The following GNAZ variants were observed in gnomAD, a reference collection of about 807,000 sequenced individuals.
GNAZ encodes the protein G protein subunit alpha z, also known as guanine nucleotide-binding protein G(z) subunit alpha.
Under a neutral mutation model 25.4 loss-of-function variants are expected in GNAZ, and 3 were observed. The observed-to-expected ratio is 0.12, with a 90% confidence interval of 0.05 to 0.30. GNAZ has a LOEUF of 0.30. Ranked by LOEUF, GNAZ falls within the 10% of genes least tolerant of loss-of-function variation. The pLI is 1.00. For synonymous variants in GNAZ, 211 were observed against 205.7 expected, an observed-to-expected ratio of 1.03 and a Z score of -0.22; for missense variants, 241 against 501.8, an observed-to-expected ratio of 0.48 and a Z score of 4.97.
chr22:23,106,529 C>T (rs537401741), intron 2 of GNAZ, among the ~76,000 whole-genome samples: 11 of 152,334 alleles, frequency 7.2e-5, no homozygotes, highest in African/African-American at 2.4e-4. Flanking sequence ...TCTGGACTGC[C>T]CAGGTGAAGA....
chr22:23,107,799 G>T (rs1222308463), intron 2 of GNAZ, among the ~76,000 whole-genome samples: 1 of 152,186 alleles, frequency 6.6e-6, no homozygotes, highest in Non-Finnish European at 1.5e-5. Context: ...GTTCCTGATC[G>T]TTTTAAAGCC....
intron 1 of GNAZ, among the ~76,000 whole-genome samples, 171 bp from the exon 2 acceptor site, chr22:23,095,070 ACACCAT>A (rs759236391): frequency 6.6e-6 from 1 of 152,222 alleles, no homozygotes; most frequent in Non-Finnish European, 1.5e-5. Context: ...CATATGTGTT[ACACCAT>A]GGTGTGGGCC....
At chr22:23,106,039 C>T (rs769940626) in intron 2 of GNAZ, among the ~76,000 whole-genome samples, 22 of 152,208 alleles carry the variant, frequency 1.4e-4, no homozygotes, top group Non-Finnish European at 2.2e-4. Flanking sequence ...CTCCCACCAT[C>T]TTGGAATTTT....
intron 1 of GNAZ, among the ~76,000 whole-genome samples, chr22:23,080,400 CAGA>C (rs10571559): frequency 0.08 from 12,197 of 152,146 alleles, 1,561 homozygotes; most frequent in African/African-American, 0.27. Flanking sequence ...CTTCCTTTAG[CAGA>C]AGGACACTGG....
At chr22:23,093,431 C>G (rs966592901) in intron 1 of GNAZ, among the ~76,000 whole-genome samples, 7 of 152,222 alleles carry the variant, frequency 4.6e-5, no homozygotes, top group Non-Finnish European at 8.8e-5. Context: ...GGGAACGAGG[C>G]CAGGACGGGC....
intron 1 of GNAZ, among the ~76,000 whole-genome samples, chr22:23,092,390 A>ACC (rs2069005019): frequency 6.6e-6 from 1 of 151,824 alleles, no homozygotes; most frequent in African/African-American, 2.4e-5. Flanking sequence ...GGGCGCTCAT[A>ACC]CCCCCAAACA....
intron 1 of GNAZ, among the ~76,000 whole-genome samples, chr22:23,079,284 G>A (rs1427863393): frequency 6.6e-6 from 1 of 152,240 alleles, no homozygotes; most frequent in African/African-American, 2.4e-5. Context: ...GGGCAGGGAG[G>A]CCTCCTAAGG....
At chr22:23,116,085 C>T (rs2069826156) in intron 2 of GNAZ, among the ~76,000 whole-genome samples, 1 of 152,288 alleles carries the variant, frequency 6.6e-6, no homozygotes, top group Non-Finnish European at 1.5e-5. Flanking sequence ...CTGTCATGTG[C>T]TCACCACGTG....
At chr22:23,117,270 C>T (rs1388545334) in intron 2 of GNAZ, among the ~76,000 whole-genome samples, 1 of 152,150 alleles carries the variant, frequency 6.6e-6, no homozygotes, top group East Asian at 1.9e-4. Flanking sequence ...GAGGTGCCGA[C>T]ACGGTATGTT....
intron 2 of GNAZ, among the ~76,000 whole-genome samples, chr22:23,115,522 T>C (rs2069802620): frequency 6.6e-6 from 1 of 152,142 alleles, no homozygotes; most frequent in Non-Finnish European, 1.5e-5. Context: ...GGAGGGGGTC[T>C]CGGGTTGCCC....
chr22:23,091,697 C>T (rs1027801498), intron 1 of GNAZ, among the ~76,000 whole-genome samples: 5 of 151,586 alleles, frequency 3.3e-5, no homozygotes, highest in African/African-American at 7.3e-5. Flanking sequence ...TACACACACA[C>T]GCACCGCAAT....
At position 23,096,303 on chromosome 22, in the gene GNAZ, G is replaced by C. The variant is rs1423293042; in HGVS notation, c.608G>C (p.Gly203Ala). 4.3e-6 allele frequency: 7 copies of C among 1,613,924 alleles called. No homozygotes were observed. Among genetic ancestry groups the C allele is most frequent in the South Asian group, 1.1e-5 (1 of 91,090 alleles). The change falls in exon 2 of 3, where the codon GGG becomes GCG. Residue 203 changes from glycine (G) to alanine (A), a missense_variant. By Grantham distance (60) the Gly-to-Ala change is moderately conservative (BLOSUM62 0). Transcript: ENST00000615612. Reference protein sequence around the residue: ...KELTFKMVDVGGQRSERKKWI... With the variant: ...KELTFKMVDVAGQRSERKKWI... ...CTCACCTTCAAGATGGTGGACGTGG[G>C]GGGGCAGAGGTCAGAGCGCAAAAAG...
At chr22:23,076,631 G>C (rs370751396) in intron 1 of GNAZ, among the ~76,000 whole-genome samples, 20 of 152,240 alleles carry the variant, frequency 1.3e-4, no homozygotes, top group African/African-American at 4.3e-4. Context: ...TCGGGCTGAC[G>C]CCGGGCCACT....
chr22:23,102,275 G>A (rs923189909), intron 2 of GNAZ, among the ~76,000 whole-genome samples: 2 of 152,250 alleles, frequency 1.3e-5, no homozygotes, highest in African/African-American at 4.8e-5. Flanking sequence ...GTGACCCCAT[G>A]GGATGCTGGC....
chr22:23,124,274 C>T lies in GNAZ; in HGVS notation c.*843C>T, dbSNP rs1601844706. 5.7e-6 allele frequency: 1 copy of T among 175,300 alleles called. No individual in the cohort carries two copies. The allele number at this position is 175,300 out of a possible 1,614,324, so 10.9% of individuals were successfully genotyped here. On this transcript the variant is annotated 3_prime_UTR_variant, in exon 3 of 3. Coordinates refer to ENST00000615612, the MANE Select transcript of GNAZ (RefSeq NM_002073.4). ...TCGCAGAAAAAAATCCAGAAAATTT[C>T]AAATGCAGTTGAGTATTCTTTTTTA...
Position 23,123,337 on chromosome 22 carries a change from C to T in GNAZ, c.974C>T (p.Thr325Ile). ...ACCAAGGAGATCTACTCCCACTTCA[C>T]CTGCGCCACCGACACCAGTAACATC... ...KETKEIYSHFTCATDTSNIQF... is the reference protein window; with the variant it reads ...KETKEIYSHFICATDTSNIQF... Residue 325 changes from threonine to isoleucine, a missense_variant, in exon 3 of 3, where the codon ACC (threonine) becomes ATC (isoleucine). By Grantham distance (89) the Thr-to-Ile change is moderately conservative. Coordinates refer to ENST00000615612, the MANE Select transcript of GNAZ (RefSeq NM_002073.4). 1.9e-6 allele frequency: 3 copies of T among 1,614,066 alleles called. No individual in the cohort carries two copies. Among genetic ancestry groups the T allele is most frequent in the Non-Finnish European group, 2.5e-6 (3 of 1,179,968 alleles).
chr22:23,103,555 A>G (rs555831229), intron 2 of GNAZ, among the ~76,000 whole-genome samples: 1 of 152,344 alleles, frequency 6.6e-6, no homozygotes, highest in South Asian at 2.1e-4. Flanking sequence ...GGAATTTGCC[A>G]GAGCGGCTCT....
At chr22:23,121,601 G>A (rs548207039) in intron 2 of GNAZ, among the ~76,000 whole-genome samples, 9 of 152,272 alleles carry the variant, frequency 5.9e-5, no homozygotes, top group Admixed American at 1.3e-4. Flanking sequence ...GGTTACCAGC[G>A]TCATTGTCAC....
At chr22:23,083,862 G>T (rs1295043277) in intron 1 of GNAZ, among the ~76,000 whole-genome samples, 1 of 152,238 alleles carries the variant, frequency 6.6e-6, no homozygotes, top group African/African-American at 2.4e-5. Flanking sequence ...GTCCACTGGG[G>T]TTCCAGGGAT....
Sources: allele counts gnomAD v4.1 joint callset (sites outside exome capture counted in the v4.1 genomes callset), GRCh38; gene constraint gnomAD v4.1.1; transcripts MANE v1.5; gene names NCBI Gene and HGNC (gene_info 2026-07-23, HGNC 2026-07-21).